TAFA2: variants seen among roughly 807,000 people sequenced by gnomAD.
The protein encoded by TAFA2 is TAFA chemokine like family member 2, also known as chemokine-like protein TAFA-2.
A neutral mutation model predicts 18.8 loss-of-function variants in TAFA2; 7 were observed. The observed-to-expected ratio is 0.37, with a 90% CI of 0.21 to 0.70. The LOEUF (loss-of-function observed/expected upper bound fraction) is 0.70, where lower values mean the gene tolerates loss of function less well. Ranked by LOEUF, TAFA2 falls within the 30% of genes least tolerant of loss-of-function variation. The probability of loss-of-function intolerance (pLI) is 0.53; values close to 1 mark genes in which losing one functional copy is unlikely to be tolerated. For missense variants in TAFA2, 122 were observed against 158.1 expected, an observed-to-expected ratio of 0.77 and a Z score of 1.23; for synonymous variants, 60 against 54.2, an observed-to-expected ratio of 1.11 and a Z score of -0.47.
intron 1 of TAFA2, among the ~76,000 whole-genome samples, chr12:61,885,061 A>T (rs1205513713): frequency 6.6e-6 from 1 of 152,180 alleles, no homozygotes; most frequent in Admixed American, 6.5e-5. Flanking sequence ...TTTCAAATGG[A>T]TGAAATATTT....
At chr12:62,100,214 G>A (rs937486057) in intron 1 of TAFA2, among the ~76,000 whole-genome samples, 2 of 151,450 alleles carry the variant, frequency 1.3e-5, no homozygotes, top group South Asian at 2.1e-4. Context: ...GGTGGGAAAC[G>A]AGAACACCAT....
intron 1 of TAFA2, among the ~76,000 whole-genome samples, chr12:62,232,970 T>C (rs2062818495): frequency 6.6e-6 from 1 of 150,516 alleles, no homozygotes; most frequent in African/African-American, 2.4e-5. Context: ...TTTCCTTAAA[T>C]ATGACTTCAA....
chr12:62,246,827 T>A (rs563200993), intron 1 of TAFA2, among the ~76,000 whole-genome samples: 18 of 152,184 alleles, frequency 1.2e-4, no homozygotes, highest in Non-Finnish European at 2.4e-4. Flanking sequence ...TATTCTTTCA[T>A]CTTGCATTCC....
intron 2 of TAFA2, among the ~76,000 whole-genome samples, chr12:61,802,862 T>C: frequency 6.6e-6 from 1 of 152,028 alleles, no homozygotes; most frequent in Non-Finnish European, 1.5e-5. Context: ...TCCATAAATA[T>C]GTGCAATTAT....
chr12:62,039,779 C>T (rs1592298603), intron 1 of TAFA2, among the ~76,000 whole-genome samples: 2 of 152,124 alleles, frequency 1.3e-5, no homozygotes, highest in African/African-American at 2.4e-5. Context: ...AGCAGATACC[C>T]GATCAAATTC....
At chr12:61,784,918 T>C (rs894870161) in intron 2 of TAFA2, among the ~76,000 whole-genome samples, 2 of 151,630 alleles carry the variant, frequency 1.3e-5, no homozygotes, top group Admixed American at 1.3e-4. Context: ...TCAGAGTTAT[T>C]AGTGTATCCA....
At chr12:62,190,019 G>A (rs2062612183) in intron 1 of TAFA2, among the ~76,000 whole-genome samples, 1 of 150,022 alleles carries the variant, frequency 6.7e-6, no homozygotes. Flanking sequence ...GAACCATTTT[G>A]TAAAATCCAA....
chr12:61,723,723 C>A lies in TAFA2; in HGVS notation c.385-13306G>T, dbSNP rs1267739070. Among the ~76,000 whole-genome samples the A allele has an allele frequency of 3.3e-5, 5 of 152,068 alleles. No individual in the cohort carries two copies. The South Asian group carries it at 1.0e-3, about 32-fold the overall frequency. ...AAGTAGATAATAGCAATCTGTGATG[C>A]TCTAATTGGTATTAGACTAATCACT... On this transcript the variant is annotated intron_variant, in intron 4 of 4. Transcript: ENST00000416284.
intron 1 of TAFA2, among the ~76,000 whole-genome samples, chr12:62,118,236 T>C (rs1012627601): frequency 3.9e-5 from 6 of 152,182 alleles, no homozygotes; most frequent in Admixed American, 6.5e-5. Context: ...AATGGTATCA[T>C]TAATTTTTTA....
chr12:62,096,765 C>T (rs918973453), intron 1 of TAFA2, among the ~76,000 whole-genome samples: 1 of 152,096 alleles, frequency 6.6e-6, no homozygotes, highest in Admixed American at 6.6e-5. Context: ...CTTAGCTTGT[C>T]ACTCTCGTGC....
At chr12:61,801,373 C>A (rs1350876836) in intron 2 of TAFA2, among the ~76,000 whole-genome samples, 1 of 152,062 alleles carries the variant, frequency 6.6e-6, no homozygotes, top group Non-Finnish European at 1.5e-5. Flanking sequence ...TCAAAATATA[C>A]TGCAAAGCTA....
intron 2 of TAFA2, among the ~76,000 whole-genome samples, chr12:61,772,193 C>A (rs1376376110): frequency 6.6e-6 from 1 of 151,770 alleles, no homozygotes; most frequent in Non-Finnish European, 1.5e-5. Flanking sequence ...AATAGAAACT[C>A]TAAACAGAGC....
intron 2 of TAFA2, among the ~76,000 whole-genome samples, chr12:61,816,285 T>C (rs1872081864): frequency 6.6e-6 from 1 of 151,410 alleles, no homozygotes; most frequent in Non-Finnish European, 1.5e-5. Context: ...TTTGGTTTTC[T>C]GTTCCTGTGC....
At chr12:61,747,838 A>G (rs944642826) in intron 4 of TAFA2, among the ~76,000 whole-genome samples, 12 of 151,926 alleles carry the variant, frequency 7.9e-5, no homozygotes, top group African/African-American at 2.9e-4. Flanking sequence ...CACATTGTGC[A>G]CATGTACCCT....
At chr12:62,169,513 A>G (rs2062462656) in intron 1 of TAFA2, among the ~76,000 whole-genome samples, 1 of 152,194 alleles carries the variant, frequency 6.6e-6, no homozygotes, top group Non-Finnish European at 1.5e-5. Context: ...TCGTAAAGCC[A>G]CCTAGAAGAG....
rs150725127 is a variant in TAFA2 at position 61,927,164 on chromosome 12, G to A, written c.-1-59738C>T. Among the ~76,000 whole-genome samples the A allele has an allele frequency of 2.5e-3, 379 of 151,774 alleles. 3 individuals are homozygous for A. Among genetic ancestry groups the A allele is most frequent in the Admixed American group, 3.9e-3 (60 of 15,240 alleles). On this transcript the variant is annotated intron_variant, in intron 1 of 4. Coordinates refer to ENST00000416284, the MANE Select transcript of TAFA2 (RefSeq NM_178539.5). The stretch of plus-strand genomic sequence containing the variant: ...ACACAGTATTGGAAATTCTGGGCAG[G>A]GCAATCAGGCAACAGAAAGAAATAA...
chr12:62,073,727 G>T (rs1033801314), intron 1 of TAFA2, among the ~76,000 whole-genome samples: 1 of 152,014 alleles, frequency 6.6e-6, no homozygotes, highest in Non-Finnish European at 1.5e-5. Flanking sequence ...TTACATTTTT[G>T]ATTATATGGT....
chr12:61,778,605 C>T lies in TAFA2; in HGVS notation c.107-23581G>A, dbSNP rs146713341. The stretch of plus-strand genomic sequence containing the variant: ...AAAGGAAAGACAAATGTCCTGCCCT[C>T]AGGGAAAAGACAAACACTGAACAAA... On this transcript the variant is annotated intron_variant, in intron 2 of 4. Coordinates refer to ENST00000416284, the MANE Select transcript of TAFA2 (RefSeq NM_178539.5). Among the ~76,000 whole-genome samples the T allele has an allele frequency of 6.0e-3, 910 of 151,942 alleles. 12 individuals carry two copies. The highest frequency in any genetic ancestry group is 0.021 in the African/African-American group (854 of 41,496).
intron 1 of TAFA2, among the ~76,000 whole-genome samples, chr12:62,229,974 A>G (rs1393728645): frequency 1.3e-5 from 2 of 152,052 alleles, no homozygotes; most frequent in South Asian, 2.1e-4. Flanking sequence ...ATATGTGTCC[A>G]TAAATTTTTC....
Sources: gnomAD v4.1 joint callset for allele counts (sites outside exome capture counted in the v4.1 genomes callset) on GRCh38, gnomAD v4.1.1 for gene constraint, MANE v1.5 for transcripts, NCBI Gene and HGNC (gene_info 2026-07-23, HGNC 2026-07-21) for gene names.